The following VEZT variants were observed in gnomAD, a reference collection of about 807,000 sequenced individuals.
VEZT encodes vezatin, adherens junctions transmembrane protein, also known as vezatin.
A neutral mutation model predicts 79.9 loss-of-function variants in VEZT; 39 were observed. That is an observed-to-expected ratio of 0.49 (90% CI 0.38 to 0.64). VEZT has a LOEUF of 0.64. VEZT is among the 30% of genes least tolerant of loss of function. The pLI, the probability that VEZT is intolerant of heterozygous loss-of-function variation, is 0.00. For missense variants in VEZT, 837 were observed against 893.1 expected (o/e 0.94, Z 0.80); for synonymous variants, 325 against 327.6 (o/e 0.99, Z 0.09).
chr12:95,263,586 G>T (rs1226187854), intron 4 of VEZT, among the ~76,000 whole-genome samples: 1 of 152,120 alleles, frequency 6.6e-6, no homozygotes, highest in African/African-American at 2.4e-5. Flanking sequence ...AGCAGTTGCA[G>T]AGTGCAGTGA....
intron 1 of VEZT, among the ~76,000 whole-genome samples, chr12:95,249,483 A>G (rs1233811465): frequency 1.3e-5 from 2 of 152,228 alleles, no homozygotes; most frequent in African/African-American, 4.8e-5. Context: ...TTGTGCTGCC[A>G]GAAATTTTAA....
chr12:95,230,121 A>AT (rs1385304254), intron 1 of VEZT, among the ~76,000 whole-genome samples: 1 of 151,766 alleles, frequency 6.6e-6, no homozygotes, highest in African/African-American at 2.4e-5. Context: ...AAAAAAAAAA[A>AT]AACGAAGTGT....
chr12:95,290,410 G>T (rs7961886), intron 9 of VEZT, among the ~76,000 whole-genome samples: 152,326 of 152,326 alleles, frequency 1, 76,163 homozygotes, highest in Non-Finnish European at 1. Context: ...GGCTTTGGGA[G>T]GTGACTAAGC....
At chr12:95,262,630 A>G (rs1003983599) in intron 3 of VEZT, among the ~76,000 whole-genome samples, 1 of 152,148 alleles carries the variant, frequency 6.6e-6, no homozygotes, top group African/African-American at 2.4e-5. Flanking sequence ...TTAACTAGAC[A>G]AGTTTGTTAA....
intron 3 of VEZT, among the ~76,000 whole-genome samples, chr12:95,260,919 A>G (rs562983762): frequency 2.5e-4 from 38 of 151,564 alleles, no homozygotes; most frequent in African/African-American, 8.2e-4. Context: ...TTAGAATCAG[A>G]ATTGTGGGAA....
intron 3 of VEZT, among the ~76,000 whole-genome samples, chr12:95,259,940 C>A (rs571024000): frequency 1.3e-5 from 2 of 152,084 alleles, no homozygotes; most frequent in East Asian, 1.9e-4. Flanking sequence ...TAATCTGATT[C>A]AATTTAAACC....
intron 1 of VEZT, among the ~76,000 whole-genome samples, chr12:95,234,802 C>A (rs924617330): frequency 6.6e-6 from 1 of 152,076 alleles, no homozygotes; most frequent in Non-Finnish European, 1.5e-5. Flanking sequence ...GAGGACCCTG[C>A]GGCCTTCCGC....
At chr12:95,225,413 C>T (rs959569322) in intron 1 of VEZT, among the ~76,000 whole-genome samples, 1 of 151,978 alleles carries the variant, frequency 6.6e-6, no homozygotes, top group Admixed American at 6.6e-5. Context: ...AGAAATTAGC[C>T]GGGCTTGGTG....
chr12:95,282,761 G>C (rs970774385), intron 8 of VEZT, 117 bp downstream of exon 8: 17 of 729,392 alleles, frequency 2.3e-5, no homozygotes, highest in Admixed American at 1.4e-4. Context: ...TGAGGCATGA[G>C]CATGAAGGGT....
chr12:95,266,333 AT>A (rs2065531299), intron 4 of VEZT, 23 bp from the exon 5 acceptor site: 1 of 1,595,088 alleles, frequency 6.3e-7, no homozygotes, highest in Non-Finnish European at 8.6e-7. Context: ...GATGCATATC[AT>A]TTTCTTCCTT....
chr12:95,223,482 G>A (rs988214106), intron 1 of VEZT, among the ~76,000 whole-genome samples: 9 of 152,078 alleles, frequency 5.9e-5, no homozygotes, highest in African/African-American at 1.9e-4. Context: ...CACTCTGTTA[G>A]CCTTGTCGCC....
chr12:95,263,178 T>G (rs1174346040), intron 4 of VEZT, 97 bp downstream of exon 4: 11 of 1,097,216 alleles, frequency 1.0e-5, no homozygotes, highest in Non-Finnish European at 1.4e-5. Context: ...GGCATAAACA[T>G]TCCATACATT....
At chr12:95,236,369 A>G (rs2060189836) in intron 1 of VEZT, among the ~76,000 whole-genome samples, 3 of 152,186 alleles carry the variant, frequency 2.0e-5, no homozygotes, top group African/African-American at 7.2e-5. Flanking sequence ...CCGAGATGGC[A>G]GCAGTACAGT....
chr12:95,288,293 G>A (rs143302615), intron 9 of VEZT, among the ~76,000 whole-genome samples: 2 of 152,164 alleles, frequency 1.3e-5, no homozygotes, highest in African/African-American at 4.8e-5. Context: ...TAGTGGCACT[G>A]CATATTTAGT....
chr12:95,243,933 A>G (rs1211872038), intron 1 of VEZT: 1 of 456,002 alleles, frequency 2.2e-6, no homozygotes, highest in East Asian at 6.9e-5. Flanking sequence ...CTACCATATT[A>G]TATCTAGGCA....
At chr12:95,270,253 A>G in intron 6 of VEZT, 65 bp downstream of exon 6, 1 of 1,457,186 alleles carries the variant, frequency 6.9e-7, no homozygotes, top group South Asian at 1.3e-5. Context: ...TAGATATTAT[A>G]GTTGTATCCT....
chr12:95,229,133 G>A (rs891020219), intron 1 of VEZT, among the ~76,000 whole-genome samples: 3 of 152,078 alleles, frequency 2.0e-5, no homozygotes, highest in Admixed American at 2.0e-4. Context: ...CTTATGTTGT[G>A]TCATTTCTTC....
intron 1 of VEZT, chr12:95,244,134 A>G: frequency 2.7e-6 from 1 of 368,002 alleles, no homozygotes; most frequent in South Asian, 2.1e-5. Context: ...AGTGCCTTAC[A>G]CCTATAATCC....
At chr12:95,221,596 ACTT>A (rs2057592467) in intron 1 of VEZT, among the ~76,000 whole-genome samples, 1 of 151,880 alleles carries the variant, frequency 6.6e-6, no homozygotes, top group Non-Finnish European at 1.5e-5. Context: ...TAATCCCAGC[ACTT>A]TGGGAGGCTA....
Sources: gnomAD v4.1 joint callset for allele counts (sites outside exome capture counted in the v4.1 genomes callset) on GRCh38, gnomAD v4.1.1 for gene constraint, MANE v1.5 for transcripts, NCBI Gene and HGNC (gene_info 2026-07-23, HGNC 2026-07-21) for gene names.